Variants in SLC44A5 observed in about 807,000 individuals in gnomAD.
SLC44A5 encodes solute carrier family 44 member 5.
Under a neutral mutation model 101.8 loss-of-function variants are expected in SLC44A5, and 57 were observed. That is an observed-to-expected ratio of 0.56 (90% CI 0.45 to 0.70). SLC44A5 has a LOEUF of 0.70. Ranked by LOEUF, SLC44A5 falls within the 30% of genes least tolerant of loss-of-function variation. The pLI is 0.00. For synonymous variants in SLC44A5, 281 were observed against 290.9 expected, an observed-to-expected ratio of 0.97 and a Z score of 0.35; for missense variants, 737 against 853.1, an observed-to-expected ratio of 0.86 and a Z score of 1.70.
chr1:75,720,040 G>T, the SLC44A5 span, among the ~76,000 whole-genome samples: 1 of 152,174 alleles, frequency 6.6e-6, no homozygotes, highest in Non-Finnish European at 1.5e-5. Flanking sequence ...ATTGTTTCTT[G>T]TGTAAAAGCA....
At chr1:75,715,505 A>G in the SLC44A5 span, among the ~76,000 whole-genome samples, 1 of 152,190 alleles carries the variant, frequency 6.6e-6, no homozygotes, top group African/African-American at 2.4e-5. Context: ...ACCTACAACC[A>G]TCTGATCTTC....
rs147739436 is a variant in SLC44A5, at chr1:75,431,178, G to A, written c.14-34557C>T. Reference sequence around the variant, plus strand: ...CAATCCAATACTTGAAGTAAACACCGGCTTTAAAAAACAATGCACTTGAAT... The same window carrying A: ...CAATCCAATACTTGAAGTAAACACCAGCTTTAAAAAACAATGCACTTGAAT... On this transcript the variant is annotated intron_variant, in intron 2 of 23. Coordinates refer to ENST00000370859, the MANE Select transcript of SLC44A5 (RefSeq NM_001130058.2). Among the ~76,000 whole-genome samples, 270 of 152,130 alleles carry A rather than the reference G, an allele frequency of 1.8e-3. 1 individual carries two copies. The highest frequency in any genetic ancestry group is 5.6e-3 in the African/African-American group (233 of 41,496).
rs191389460 is a variant in SLC44A5 at position 75,374,410 on chromosome 1, C to G, written c.52+22173G>C. Among the ~76,000 whole-genome samples the G allele has an allele frequency of 2.0e-3, 299 of 152,286 alleles. 1 individual carries two copies. The highest frequency in any genetic ancestry group is 3.4e-3 in the Middle Eastern group (1 of 294). On this transcript the variant is annotated intron_variant, in intron 3 of 23. Transcript: ENST00000370859. ...TTGTGGGTCTCCTGGTGACCTAACACTTGGCACAGACCACACCTAAGAAGG... is the reference window on the plus strand; with the variant it reads ...TTGTGGGTCTCCTGGTGACCTAACAGTTGGCACAGACCACACCTAAGAAGG...
At chr1:75,234,887 A>G (rs1369808567) in intron 11 of SLC44A5, among the ~76,000 whole-genome samples, 1 of 152,004 alleles carries the variant, frequency 6.6e-6, no homozygotes, top group African/African-American at 2.4e-5. Context: ...TTCTAATGTA[A>G]TTTCCTCAAA....
At chr1:75,528,850 T>C (rs769929381) in intron 2 of SLC44A5, among the ~76,000 whole-genome samples, 22 of 152,198 alleles carry the variant, frequency 1.4e-4, no homozygotes, top group Non-Finnish European at 2.4e-4. Context: ...TATACACTGG[T>C]TTCTCAGAAT....
At chr1:75,716,999 A>T in the SLC44A5 span, among the ~76,000 whole-genome samples, 2 of 152,026 alleles carry the variant, frequency 1.3e-5, no homozygotes, top group Non-Finnish European at 2.9e-5. Flanking sequence ...GCGCCACTGC[A>T]CTCCAGCCTG....
At chr1:75,319,593 A>G (rs1158908740) in intron 4 of SLC44A5, among the ~76,000 whole-genome samples, 1 of 152,218 alleles carries the variant, frequency 6.6e-6, no homozygotes, top group African/African-American at 2.4e-5. Context: ...TTTCTCCTGA[A>G]CTATATTCTG....
intron 2 of SLC44A5, among the ~76,000 whole-genome samples, chr1:75,484,399 T>G (rs1002335241): frequency 6.6e-6 from 1 of 152,222 alleles, no homozygotes; most frequent in Non-Finnish European, 1.5e-5. Flanking sequence ...CATTAAATCT[T>G]AAAGCTCTAA....
At chr1:75,464,065 A>G (rs1666668800) in intron 2 of SLC44A5, among the ~76,000 whole-genome samples, 1 of 151,958 alleles carries the variant, frequency 6.6e-6, no homozygotes, top group South Asian at 2.1e-4. Flanking sequence ...TACTAAAAGC[A>G]CAAAAAATTA....
chr1:75,565,343 G>A (rs548236748), intron 1 of SLC44A5, among the ~76,000 whole-genome samples: 1 of 152,314 alleles, frequency 6.6e-6, no homozygotes, highest in South Asian at 2.1e-4. Context: ...ACAAAGAGAA[G>A]TCTAGAGAGA....
At chr1:75,710,562 T>TAAAAAAAA in the SLC44A5 span, 1 of 52,302 alleles carries the variant, frequency 1.9e-5, no homozygotes, top group Non-Finnish European at 3.1e-5. Context: ...AGACCCTACC[T>TAAAAAAAA]AAAAAAAAAA....
the SLC44A5 span, among the ~76,000 whole-genome samples, chr1:75,670,203 T>C: frequency 1.3e-5 from 2 of 152,000 alleles, no homozygotes; most frequent in Non-Finnish European, 2.9e-5. Flanking sequence ...CAGAAAACTC[T>C]AAAGGACAAA....
chr1:75,509,322 T>G (rs1669439885), intron 2 of SLC44A5, among the ~76,000 whole-genome samples: 1 of 152,226 alleles, frequency 6.6e-6, no homozygotes, highest in Admixed American at 6.5e-5. Flanking sequence ...GATTCGTATT[T>G]CTGAAACTGT....
chr1:75,245,983 G>A (rs1368352549), intron 7 of SLC44A5, among the ~76,000 whole-genome samples: 1 of 152,090 alleles, frequency 6.6e-6, no homozygotes, highest in Non-Finnish European at 1.5e-5. Context: ...AAAACATCGT[G>A]CATAGAAATA....
Position 75,580,050 on chromosome 1 carries a change from G to A in SLC44A5, c.-70+30990C>T, listed in dbSNP as rs185984402. Among the ~76,000 whole-genome samples, 311 of 151,840 alleles carry A rather than the reference G, an allele frequency of 2.0e-3. 2 individuals carry two copies. The highest frequency in any genetic ancestry group is 2.1e-3 in the Non-Finnish European group (143 of 67,962). ...AACTATCCAGTGAGCATGTCTCTGT[G>A]GAAGGACTCACACTGCATAAAATCT... On this transcript the variant is annotated intron_variant, in intron 1 of 23. Coordinates refer to ENST00000370859, the MANE Select transcript of SLC44A5 (RefSeq NM_001130058.2).
At chr1:75,650,109 C>A in the SLC44A5 span, among the ~76,000 whole-genome samples, 34 of 151,974 alleles carry the variant, frequency 2.2e-4, no homozygotes, top group African/African-American at 8.0e-4. Flanking sequence ...AGCTTTGTTA[C>A]ATGGATATAA....
At chr1:75,463,440 A>AC (rs1666625481) in intron 2 of SLC44A5, among the ~76,000 whole-genome samples, 1 of 151,204 alleles carries the variant, frequency 6.6e-6, no homozygotes, top group African/African-American at 2.4e-5. Context: ...AAAAAAAAAA[A>AC]AAGATCCTAA....
chr1:75,503,313 C>A (rs901393426), intron 2 of SLC44A5, among the ~76,000 whole-genome samples: 2 of 152,088 alleles, frequency 1.3e-5, no homozygotes, highest in Non-Finnish European at 2.9e-5. Context: ...GTGTCCCCAA[C>A]CATATGTTAC....
chr1:75,619,485 C>T, the SLC44A5 span, among the ~76,000 whole-genome samples: 2 of 152,010 alleles, frequency 1.3e-5, no homozygotes, highest in Non-Finnish European at 2.9e-5. Flanking sequence ...TGTAAGAATT[C>T]TGATTTTTCA....
Sources: allele counts gnomAD v4.1 joint callset (sites outside exome capture counted in the v4.1 genomes callset), GRCh38; gene constraint gnomAD v4.1.1; transcripts MANE v1.5; gene names NCBI Gene and HGNC (gene_info 2026-07-23, HGNC 2026-07-21).